The following SLC9C2 variants were observed in gnomAD, a reference collection of about 807,000 sequenced individuals.
SLC9C2 encodes the protein solute carrier family 9 member C2 (putative), also known as sodium/hydrogen exchanger 11.
Under a neutral mutation model 140.2 loss-of-function variants are expected in SLC9C2, and 75 were observed. That is an observed-to-expected ratio of 0.53 (90% confidence interval 0.44 to 0.65). The LOEUF is 0.65. Among genes scored for constraint, SLC9C2 ranks in the 30% least tolerant of loss-of-function variants. The pLI, the probability that SLC9C2 is intolerant of heterozygous loss-of-function variation, is 0.00. For missense variants in SLC9C2, 1,074 were observed against 1,331.8 expected (o/e 0.81, Z 3.01); for synonymous variants, 375 against 420.9 (o/e 0.89, Z 1.34).
In SLC9C2 at chr1:173,517,686, T is replaced by G. The variant is rs1309452697; in HGVS notation, c.2758A>C (p.Thr920Pro). Residue 920 changes from threonine to proline, a missense_variant, in exon 23 of 28, where the codon ACC (threonine) becomes CCC (proline). Thr to Pro is a conservative substitution (Grantham distance 38, BLOSUM62 -1). Coordinates refer to ENST00000367714, the MANE Select transcript of SLC9C2 (RefSeq NM_178527.4). The stretch of plus-strand genomic sequence containing the variant: ...CTTTGATTACTCTCTATTCCAAAGG[T>G]AGGAGATAAACTATGCAACTGCAAA... ...GMAILHSLSPTFGIESNQRCD... is the reference protein window; with the variant it reads ...GMAILHSLSPPFGIESNQRCD... 2 of 1,609,644 alleles carry G rather than the reference T, an allele frequency of 1.2e-6. No homozygotes were observed. Among genetic ancestry groups the G allele is most frequent in the African/African-American group, 1.3e-5 (1 of 74,752 alleles).
chr1:173,598,026 G>T lies in SLC9C2; in HGVS notation c.235C>A (p.Gln79Lys). Residue 79 changes from glutamine (Q) to lysine (K), a missense_variant, in exon 4 of 28, where the codon CAA (glutamine) becomes AAA (lysine). Coordinates refer to ENST00000367714, the MANE Select transcript of SLC9C2 (RefSeq NM_178527.4). The part of the protein sequence containing the change: ...HMAYNSVEVH[Q>K]IVYPLLRTSS... ...GTTCTTAGAAGAGGGTAGACAATTT[G>T]GTGCACCTAAAGTAACAAAGGCAAA... is the stretch of plus-strand genomic sequence containing the variant. 2 of 1,585,706 alleles carry T rather than the reference G, an allele frequency of 1.3e-6. No homozygotes were observed. The highest frequency in any genetic ancestry group is 1.7e-6 in the Non-Finnish European group (2 of 1,167,540).
intron 3 of SLC9C2, among the ~76,000 whole-genome samples, chr1:173,599,659 G>C (rs1430175566): frequency 6.6e-6 from 1 of 150,552 alleles, no homozygotes; most frequent in Non-Finnish European, 1.5e-5. Context: ...GCTGGAGTGT[G>C]GCGGTGTGAT....
At position 173,524,079 on chromosome 1, in the gene SLC9C2, A is replaced by G. The variant is rs1339095033; in HGVS notation, c.2530T>C (p.Leu844=). The change falls in exon 21 of 28, where the codon TTA becomes CTA. Residue 844 remains leucine, a synonymous_variant. Transcript: ENST00000367714. ...TTTGGAAAGTTATTTAGTGCTTTTA[A>G]TTTTTTAAGAAGTACCTAAAAACAA... ...IEINKVLLKK[L]KALNNFPKAI... is the part of the protein sequence containing the mutation. 3.7e-6 allele frequency: 6 copies of G among 1,610,290 alleles called. No homozygotes were observed. Among genetic ancestry groups the G allele is most frequent in the Non-Finnish European group, 5.1e-6 (6 of 1,178,782 alleles).
intron 13 of SLC9C2, among the ~76,000 whole-genome samples, chr1:173,541,533 C>G (rs953259712): frequency 2.0e-5 from 3 of 152,300 alleles, no homozygotes; most frequent in African/African-American, 7.2e-5. Flanking sequence ...CAGAACTCTC[C>G]ACCCCAAATC....
chr1:173,586,859 A>T (rs1362679322), intron 5 of SLC9C2, among the ~76,000 whole-genome samples: 1 of 152,082 alleles, frequency 6.6e-6, no homozygotes, highest in African/African-American at 2.4e-5. Context: ...GAGGGAAGCA[A>T]CACACACCGG....
intron 4 of SLC9C2, among the ~76,000 whole-genome samples, chr1:173,588,343 A>G (rs936367823): frequency 2.0e-5 from 3 of 152,206 alleles, no homozygotes; most frequent in Non-Finnish European, 4.4e-5. Flanking sequence ...TGTAATTTCT[A>G]TGCACACATT....
At position 173,547,786 on chromosome 1, in the gene SLC9C2, T is replaced by C. The variant is rs1194021241; in HGVS notation, c.1462-2A>G. 1.2e-6 allele frequency: 2 copies of C among 1,602,988 alleles called. No individual in the cohort carries two copies. Among genetic ancestry groups the C allele is most frequent in the Admixed American group, 1.7e-5 (1 of 59,654 alleles). ...ATCATTATGTGAAACGTGGGAAAAC[T>C]GAACCGTATCAGATGACATTTTAAA... On this transcript the variant is annotated splice_acceptor_variant, in intron 12 of 27. Transcript: ENST00000367714. LOFTEE classifies it high-confidence loss of function.
rs1662013331 is a variant in SLC9C2 at position 173,536,978 on chromosome 1, A to G, written c.1619T>C (p.Ile540Thr). The G allele has an allele frequency of 4.3e-6, 7 of 1,613,834 alleles. No individual in the cohort carries two copies. Among genetic ancestry groups the G allele is most frequent in the African/African-American group, 1.3e-5 (1 of 75,044 alleles). ...ILEIEAARIL[I>T]GAAKCYYSIQ... ...GGAGTAATAGCATTTTGCTGCACCA[A>G]TTAATATCCGGGCTGCCTCTATTTC... The change falls in exon 14 of 28, where the codon ATT becomes ACT. Residue 540 changes from isoleucine to threonine, a missense_variant. By Grantham distance (89) the Ile-to-Thr change is moderately conservative. Transcript: ENST00000367714.
At chr1:173,508,392 T>TA (rs1255616261) in intron 24 of SLC9C2, among the ~76,000 whole-genome samples, 2 of 152,082 alleles carry the variant, frequency 1.3e-5, no homozygotes, top group Non-Finnish European at 2.9e-5. Context: ...CTTGTGAATT[T>TA]AAAAAAATTT....
At chr1:173,598,288 A>T (rs1253583393) in intron 3 of SLC9C2, among the ~76,000 whole-genome samples, 1 of 152,184 alleles carries the variant, frequency 6.6e-6, no homozygotes, top group Non-Finnish European at 1.5e-5. Flanking sequence ...GTGGTGTGCA[A>T]TCAGTATTTT....
rs993593816 is a variant in SLC9C2 at position 173,572,872 on chromosome 1, G to A, written c.1046+310C>T. Among the ~76,000 whole-genome samples, 6 of 152,198 alleles carry A rather than the reference G, an allele frequency of 3.9e-5. 1 individual carries two copies. In the East Asian group the frequency reaches 1.2e-3, roughly 29 times the overall value. On this transcript the variant is annotated intron_variant, in intron 9 of 27. Coordinates refer to ENST00000367714, the MANE Select transcript of SLC9C2 (RefSeq NM_178527.4). ...TTAACATGCATACAAACTACCTGAA[G>A]AGCATGTTAAAACTATTTCCTGGAT...
intron 11 of SLC9C2, among the ~76,000 whole-genome samples, chr1:173,549,040 T>C (rs1175095530): frequency 6.6e-6 from 1 of 152,240 alleles, no homozygotes; most frequent in Non-Finnish European, 1.5e-5. Context: ...CATCTCTGTT[T>C]TCTGGCCAGT....
chr1:173,592,862 C>G lies in SLC9C2; in HGVS notation c.358-5032G>C, dbSNP rs541170447. On this transcript the variant is annotated intron_variant, in intron 4 of 27. Transcript: ENST00000367714. Reference sequence around the variant, plus strand: ...GCCTCATCTACAAAGGAAACGCCATCAGGCTAACAGTGGACCTCTCAGCAC... The same window carrying G: ...GCCTCATCTACAAAGGAAACGCCATGAGGCTAACAGTGGACCTCTCAGCAC... 4.6e-5 allele frequency among the ~76,000 whole-genome samples: 7 copies of G among 152,278 alleles called. No individual in the cohort carries two copies. In the East Asian group the frequency reaches 1.3e-3, roughly 29 times the overall value.
intron 4 of SLC9C2, 25 bp from the exon 5 acceptor site, chr1:173,587,855 A>G (rs1393218799): frequency 2.5e-6 from 4 of 1,572,616 alleles, no homozygotes; most frequent in South Asian, 1.2e-5. Flanking sequence ...ATAACACAGT[A>G]TTAGACTTAA....
chr1:173,552,575 T>C (rs561004228), intron 11 of SLC9C2, among the ~76,000 whole-genome samples: 5 of 152,292 alleles, frequency 3.3e-5, no homozygotes, highest in Non-Finnish European at 5.9e-5. Context: ...TTAAGCTAAA[T>C]GTATTCTGTC....
chr1:173,512,799 G>A (rs1320317680), intron 23 of SLC9C2, among the ~76,000 whole-genome samples: 1 of 152,136 alleles, frequency 6.6e-6, no homozygotes, highest in Non-Finnish European at 1.5e-5. Flanking sequence ...GTCATAAATA[G>A]TTCTTATTAT....
chr1:173,503,230 A>C (rs185824131), intron 27 of SLC9C2, 36 bp downstream of exon 27: 59 of 1,573,412 alleles, frequency 3.7e-5, no homozygotes, highest in African/African-American at 5.4e-5. Flanking sequence ...TATTTGCAAT[A>C]AGAAAAAATT....
At chr1:173,550,471 A>C (rs1419438070) in intron 11 of SLC9C2, among the ~76,000 whole-genome samples, 1 of 139,766 alleles carries the variant, frequency 7.2e-6, no homozygotes, top group Non-Finnish European at 1.5e-5. Flanking sequence ...GAGGAGTTTC[A>C]CTCTGTCGCC....
rs766756881 is a variant in SLC9C2, at chr1:173,587,784, A to G, written c.404T>C (p.Ile135Thr). 8 of 1,613,288 alleles carry G rather than the reference A, an allele frequency of 5.0e-6. No individual in the cohort carries two copies. The highest frequency in any genetic ancestry group is 2.2e-5 in the East Asian group (1 of 44,794). Residue 135 changes from isoleucine to threonine, a missense_variant, in exon 5 of 28, where the codon ATT becomes ACT. Physicochemically the swap from Ile to Thr is moderately conservative, Grantham distance 89. Coordinates refer to ENST00000367714, the MANE Select transcript of SLC9C2 (RefSeq NM_178527.4). The stretch of plus-strand genomic sequence containing the variant: ...ATTGAATTTTATAACGACATATCCA[A>G]TTATGATGCTTGCTGTAGAAAAGCT... ...LISFSTASII[I>T]GYVVIKFNKD...
Sources: gnomAD v4.1 joint callset for allele counts (sites outside exome capture counted in the v4.1 genomes callset) on GRCh38, gnomAD v4.1.1 for gene constraint, MANE v1.5 for transcripts, NCBI Gene and HGNC (gene_info 2026-07-23, HGNC 2026-07-21) for gene names.